The following GRIA1 variants were observed in gnomAD, a reference collection of about 807,000 sequenced individuals.
GRIA1 encodes the protein glutamate receptor 1.
Under a neutral mutation model 99.2 loss-of-function variants are expected in GRIA1, and 31 were observed. The ratio of observed to expected loss-of-function variants is 0.31; its 90% CI spans 0.23 to 0.42. The LOEUF is 0.42. Among genes scored for constraint, GRIA1 ranks in the 10% least tolerant of loss-of-function variants. The pLI is 1.00. For synonymous variants in GRIA1, 438 were observed against 432.4 expected (o/e 1.01, Z -0.16); for missense variants, 782 against 1,157.5 (o/e 0.68, Z 4.71).
At chr5:153,582,884 G>T (rs1763163699) in intron 2 of GRIA1, among the ~76,000 whole-genome samples, 1 of 152,066 alleles carries the variant, frequency 6.6e-6, no homozygotes, top group African/African-American at 2.4e-5. Flanking sequence ...CTATAGCCTT[G>T]AACTCCTGGG....
At chr5:153,809,054 C>G (rs1163951829) in intron 15 of GRIA1, among the ~76,000 whole-genome samples, 1 of 152,162 alleles carries the variant, frequency 6.6e-6, no homozygotes, top group African/African-American at 2.4e-5. Context: ...CCAGGGTGAT[C>G]TGTGTAAACT....
At chr5:153,730,321 AC>A (rs918464570) in intron 11 of GRIA1, among the ~76,000 whole-genome samples, 2 of 151,988 alleles carry the variant, frequency 1.3e-5, no homozygotes, top group African/African-American at 2.4e-5. Context: ...TGCCTTGCCC[AC>A]CCCTATAACT....
intron 12 of GRIA1, among the ~76,000 whole-genome samples, chr5:153,768,512 T>A (rs1763666811): frequency 6.6e-6 from 1 of 152,172 alleles, no homozygotes. Flanking sequence ...AAACGAGTGA[T>A]ATAGTTTATC....
chr5:153,659,299 T>C (rs964317777), intron 5 of GRIA1, among the ~76,000 whole-genome samples: 3 of 152,234 alleles, frequency 2.0e-5, no homozygotes, highest in Non-Finnish European at 4.4e-5. Context: ...ATCCATATTT[T>C]ATAGGAGAGA....
chr5:153,508,148 C>T (rs986799688), intron 2 of GRIA1, among the ~76,000 whole-genome samples: 1 of 152,148 alleles, frequency 6.6e-6, no homozygotes, highest in African/African-American at 2.4e-5. Flanking sequence ...AGCTGTAGTG[C>T]TACATTAGAT....
intron 2 of GRIA1, among the ~76,000 whole-genome samples, chr5:153,645,728 TG>T (rs745780631): frequency 4.8e-4 from 73 of 152,104 alleles, no homozygotes; most frequent in Non-Finnish European, 9.0e-4. Context: ...CCATACACAG[TG>T]GCAATGTGGG....
intron 15 of GRIA1, among the ~76,000 whole-genome samples, chr5:153,804,755 T>G (rs1581686601): frequency 9.9e-6 from 1 of 100,810 alleles, no homozygotes; most frequent in Non-Finnish European, 2.0e-5. Context: ...ATTTATTTAT[T>G]TATTTATTTA....
intron 2 of GRIA1, among the ~76,000 whole-genome samples, chr5:153,623,899 T>C (rs1208580940): frequency 1.3e-5 from 2 of 152,334 alleles, no homozygotes; most frequent in South Asian, 2.1e-4. Flanking sequence ...AGTAAGATGG[T>C]AGGTGAGCTC....
At chr5:153,614,866 A>G (rs1407290003) in intron 2 of GRIA1, among the ~76,000 whole-genome samples, 1 of 152,218 alleles carries the variant, frequency 6.6e-6, no homozygotes, top group Non-Finnish European at 1.5e-5. Context: ...GGAAATTATT[A>G]TTTTAGATTC....
intron 2 of GRIA1, among the ~76,000 whole-genome samples, chr5:153,551,455 C>T (rs1032416777): frequency 6.6e-6 from 1 of 151,994 alleles, no homozygotes; most frequent in African/African-American, 2.4e-5. Flanking sequence ...CATGTGACCA[C>T]TCTCCATTTT....
chr5:153,554,728 A>C (rs1760467261), intron 2 of GRIA1, among the ~76,000 whole-genome samples: 1 of 152,170 alleles, frequency 6.6e-6, no homozygotes, highest in Non-Finnish European at 1.5e-5. Flanking sequence ...TGCTGACCTC[A>C]CATGATCTGC....
intron 2 of GRIA1, among the ~76,000 whole-genome samples, chr5:153,533,988 A>G (rs1758321705): frequency 6.6e-6 from 1 of 152,248 alleles, no homozygotes; most frequent in Non-Finnish European, 1.5e-5. Flanking sequence ...TCCAGAGTGT[A>G]GAGACTGACC....
At chr5:153,730,211 C>T (rs921578248) in intron 11 of GRIA1, among the ~76,000 whole-genome samples, 8 of 151,994 alleles carry the variant, frequency 5.3e-5, no homozygotes, top group Admixed American at 3.3e-4. Flanking sequence ...TTATTTCTAA[C>T]AAGCTCTCAG....
At chr5:153,587,018 A>G (rs1432428578) in intron 2 of GRIA1, among the ~76,000 whole-genome samples, 1 of 151,970 alleles carries the variant, frequency 6.6e-6, no homozygotes, top group Non-Finnish European at 1.5e-5. Context: ...TCTGCTTCTG[A>G]TTCTTTGCCT....
intron 2 of GRIA1, among the ~76,000 whole-genome samples, chr5:153,525,844 A>T (rs1757543633): frequency 6.6e-6 from 1 of 151,890 alleles, no homozygotes; most frequent in Non-Finnish European, 1.5e-5. Context: ...GTTGGAACAC[A>T]CTCCACTCAG....
At chr5:153,519,501 G>A (rs1329792529) in intron 2 of GRIA1, among the ~76,000 whole-genome samples, 15 of 151,734 alleles carry the variant, frequency 9.9e-5, no homozygotes, top group African/African-American at 3.1e-4. Context: ...TTAACGCTGT[G>A]AGTGTAGATT....
rs200437683 is a variant in GRIA1 at position 153,599,440 on chromosome 5, C to T, written c.221-47488C>T. 0.016 allele frequency among the ~76,000 whole-genome samples: 92 copies of T among 5,888 alleles called. 1 individual carries two copies. In the East Asian group the frequency reaches 0.5, roughly 32 times the overall value. 3.9% of individuals were successfully genotyped at this position (5,888 alleles called of 152,430 possible). A position where few individuals can be genotyped will look rare whatever the true frequency, so the allele number is the denominator to read the frequency against. ...CCACAGGGGTTTGGTACCAGGACTC[C>T]TACAGATAACCAACATCTAGGTATG... On this transcript the variant is annotated intron_variant, in intron 2 of 15. Coordinates refer to ENST00000285900, the MANE Select transcript of GRIA1 (RefSeq NM_000827.4).
At chr5:153,617,333 A>T (rs905541045) in intron 2 of GRIA1, among the ~76,000 whole-genome samples, 2 of 152,172 alleles carry the variant, frequency 1.3e-5, no homozygotes, top group Non-Finnish European at 2.9e-5. Flanking sequence ...CACAAGTAAG[A>T]TTCTGCATGG....
chr5:153,732,491 T>C (rs1761105218), intron 11 of GRIA1, among the ~76,000 whole-genome samples: 1 of 152,166 alleles, frequency 6.6e-6, no homozygotes, highest in South Asian at 2.1e-4. Context: ...TTGAGCACCT[T>C]TTCATATACA....
Sources: allele counts gnomAD v4.1 joint callset (sites outside exome capture counted in the v4.1 genomes callset), GRCh38; gene constraint gnomAD v4.1.1; transcripts MANE v1.5; gene names NCBI Gene and HGNC (gene_info 2026-07-23, HGNC 2026-07-21).